FMN1: variants seen among roughly 807,000 people sequenced by gnomAD.
FMN1 encodes the protein formin-1.
FMN1 carries 110 observed loss-of-function variants against 132.4 expected under a neutral mutation model. The ratio of observed to expected loss-of-function variants is 0.83; its 90% confidence interval spans 0.71 to 0.97. The LOEUF (loss-of-function observed/expected upper bound fraction) is 0.97. Among genes scored for constraint, FMN1 ranks in the 50% least tolerant of loss-of-function variants. The pLI is 0.00. For synonymous variants in FMN1, 722 were observed against 651.7 expected, an observed-to-expected ratio of 1.11 and a Z score of -1.64; for missense variants, 1,792 against 1,705.3, an observed-to-expected ratio of 1.05 and a Z score of -0.90.
intron 16 of FMN1, among the ~76,000 whole-genome samples, chr15:32,877,946 A>G (rs2059676427): frequency 6.6e-6 from 1 of 152,252 alleles, no homozygotes; most frequent in South Asian, 2.1e-4. Flanking sequence ...ATATAAACAT[A>G]AAAAAGGTCA....
intron 4 of FMN1, among the ~76,000 whole-genome samples, chr15:33,104,708 A>G (rs1225802950): frequency 6.6e-6 from 1 of 152,144 alleles, no homozygotes; most frequent in Non-Finnish European, 1.5e-5. Flanking sequence ...GTGATTTTCC[A>G]TGGAGCCAAG....
At chr15:33,150,646 C>T (rs979981162) in intron 4 of FMN1, 2 of 985,348 alleles carry the variant, frequency 2.0e-6, no homozygotes, top group Non-Finnish European at 1.2e-6. Flanking sequence ...CTGGGAATTA[C>T]TACTTGCCTC....
intron 3 of FMN1, among the ~76,000 whole-genome samples, chr15:33,165,461 G>A (rs563067504): frequency 1.3e-5 from 2 of 152,292 alleles, no homozygotes; most frequent in African/African-American, 4.8e-5. Flanking sequence ...CGCGATCTCG[G>A]CTCACTGCAA....
At position 32,766,939 on chromosome 15, in the gene FMN1, C is replaced by G. The variant is rs1250342146; in HGVS notation, c.*7371G>C. On this transcript the variant is annotated 3_prime_UTR_variant, in exon 21 of 21. Coordinates refer to ENST00000616417, the MANE Select transcript of FMN1 (RefSeq NM_001277313.2). Reference sequence around the variant, plus strand: ...GACTTTTGAACAGGCATGGAGTAAACAGGGTCTATGGTCAAGCAGCCCCAT... The same window carrying G: ...GACTTTTGAACAGGCATGGAGTAAAGAGGGTCTATGGTCAAGCAGCCCCAT... The G allele has an allele frequency of 1.3e-5, 2 of 152,154 alleles. No individual in the cohort carries two copies. Among genetic ancestry groups the G allele is most frequent in the African/African-American group, 2.4e-5 (1 of 41,426 alleles). 9.4% of individuals were successfully genotyped at this position (152,154 alleles called of 1,614,324 possible).
chr15:33,118,541 G>C (rs780103319), intron 4 of FMN1, among the ~76,000 whole-genome samples: 3 of 152,096 alleles, frequency 2.0e-5, no homozygotes, highest in Non-Finnish European at 4.4e-5. Context: ...TCTAATTTCA[G>C]TATAAACTTG....
intron 17 of FMN1, among the ~76,000 whole-genome samples, chr15:32,826,970 T>G (rs1015449896): frequency 2.6e-5 from 4 of 152,204 alleles, no homozygotes; most frequent in African/African-American, 9.7e-5. Context: ...TGAAACTAAG[T>G]AGAACTACAG....
intron 15 of FMN1, among the ~76,000 whole-genome samples, chr15:32,892,204 G>C (rs2060048421): frequency 6.6e-6 from 1 of 152,104 alleles, no homozygotes; most frequent in African/African-American, 2.4e-5. Context: ...GTCATAGATG[G>C]CTTTTATTAC....
chr15:32,854,149 T>C (rs1324208790), intron 17 of FMN1, among the ~76,000 whole-genome samples: 1 of 152,232 alleles, frequency 6.6e-6, no homozygotes, highest in Non-Finnish European at 1.5e-5. Flanking sequence ...ATGTTATCAC[T>C]TTACCATGCA....
intron 6 of FMN1, among the ~76,000 whole-genome samples, chr15:33,058,850 T>G (rs2037354640): frequency 6.6e-6 from 1 of 152,248 alleles, no homozygotes; most frequent in Non-Finnish European, 1.5e-5. Context: ...ATGATTAAAT[T>G]AAGCTAATTA....
At chr15:33,112,355 T>C (rs1436446715) in intron 4 of FMN1, among the ~76,000 whole-genome samples, 2 of 152,182 alleles carry the variant, frequency 1.3e-5, no homozygotes, top group Non-Finnish European at 2.9e-5. Context: ...CCTATCTCTA[T>C]GAAGAGTTGA....
At chr15:33,056,208 A>G (rs961777703) in intron 6 of FMN1, among the ~76,000 whole-genome samples, 2 of 152,222 alleles carry the variant, frequency 1.3e-5, no homozygotes, top group African/African-American at 4.8e-5. Context: ...TATACACCCA[A>G]AAGAAATGTC....
rs142096836 is a variant in FMN1, at chr15:33,130,328, A to G, written c.1867+22720T>C. 7.2e-5 allele frequency among the ~76,000 whole-genome samples: 11 copies of G among 152,344 alleles called. No homozygotes were observed. The East Asian group carries it at 2.1e-3, about 29-fold the overall frequency. ...GCCCTACATGTATATACATAAATAT[A>G]CACACTTCAAAACTAAATATATAGA... On this transcript the variant is annotated intron_variant, in intron 4 of 20. Transcript: ENST00000616417.
intron 17 of FMN1, among the ~76,000 whole-genome samples, chr15:32,839,942 G>A (rs541652461): frequency 7.9e-5 from 12 of 152,136 alleles, no homozygotes; most frequent in South Asian, 4.1e-4. Context: ...GATCTACACC[G>A]CTAAGTCAAT....
At chr15:32,845,564 A>C (rs1256422532) in intron 17 of FMN1, among the ~76,000 whole-genome samples, 3 of 152,204 alleles carry the variant, frequency 2.0e-5, no homozygotes, top group Admixed American at 2.0e-4. Flanking sequence ...TGGCACAGTA[A>C]CAACGCTGGG....
intron 6 of FMN1, among the ~76,000 whole-genome samples, chr15:33,032,016 C>G (rs1271311702): frequency 6.6e-6 from 1 of 152,150 alleles, no homozygotes; most frequent in African/African-American, 2.4e-5. Context: ...TCATTAACAA[C>G]AAAAATAATA....
intron 4 of FMN1, among the ~76,000 whole-genome samples, chr15:33,135,151 A>G (rs1475578354): frequency 6.6e-6 from 1 of 152,172 alleles, no homozygotes; most frequent in East Asian, 1.9e-4. Flanking sequence ...CTCCCAAGGA[A>G]TGTTTTTTAA....
intron 4 of FMN1, among the ~76,000 whole-genome samples, chr15:33,123,625 G>C (rs1023509983): frequency 6.6e-6 from 1 of 152,164 alleles, no homozygotes; most frequent in African/African-American, 2.4e-5. Context: ...GAGGGTTGTT[G>C]ATCAAACAGC....
intron 18 of FMN1, among the ~76,000 whole-genome samples, chr15:32,802,339 C>T (rs974414624): frequency 6.6e-6 from 1 of 152,220 alleles, no homozygotes; most frequent in African/African-American, 2.4e-5. Context: ...GAGCGGAACA[C>T]ATCCACTTAT....
At chr15:33,059,739 G>A (rs2037398270) in intron 6 of FMN1, among the ~76,000 whole-genome samples, 5 of 152,200 alleles carry the variant, frequency 3.3e-5, no homozygotes, top group Admixed American at 3.3e-4. Flanking sequence ...TCTGTAAAAT[G>A]AGTAAGTTAA....
Sources: gnomAD v4.1 joint callset for allele counts (sites outside exome capture counted in the v4.1 genomes callset) on GRCh38, gnomAD v4.1.1 for gene constraint, MANE v1.5 for transcripts, NCBI Gene and HGNC (gene_info 2026-07-23, HGNC 2026-07-21) for gene names.